TOP1: variants seen among roughly 807,000 people sequenced by gnomAD.
TOP1 encodes the protein DNA topoisomerase 1.
A neutral mutation model predicts 111.1 loss-of-function variants in TOP1; 10 were observed. The observed-to-expected ratio is 0.09, with a 90% CI of 0.06 to 0.15. The LOEUF (loss-of-function observed/expected upper bound fraction) is 0.15. TOP1 is among the 10% of genes least tolerant of loss of function. The probability of loss-of-function intolerance (pLI) is 1.00; values close to 1 mark genes in which losing one functional copy is unlikely to be tolerated. For synonymous variants in TOP1, 271 were observed against 302.9 expected (o/e 0.89, Z 1.10); for missense variants, 474 against 926.7 (o/e 0.51, Z 6.34).
intron 2 of TOP1, among the ~76,000 whole-genome samples, chr20:41,044,474 G>A (rs563200230): frequency 6.6e-6 from 1 of 152,178 alleles, no homozygotes; most frequent in Non-Finnish European, 1.5e-5. Context: ...TGCTTCGGCA[G>A]ACTAATAACT....
chr20:41,056,407 A>G (rs996599304), intron 2 of TOP1, among the ~76,000 whole-genome samples: 5 of 152,208 alleles, frequency 3.3e-5, no homozygotes, highest in African/African-American at 7.2e-5. Flanking sequence ...ACAATATAAT[A>G]GTCATTAAGA....
At chr20:41,074,963 T>C (rs1469481206) in intron 3 of TOP1, among the ~76,000 whole-genome samples, 1 of 152,222 alleles carries the variant, frequency 6.6e-6, no homozygotes, top group African/African-American at 2.4e-5. Flanking sequence ...TTGCAGTTAT[T>C]TTATTATATT....
intron 3 of TOP1, among the ~76,000 whole-genome samples, chr20:41,075,070 T>C (rs1238836341): frequency 6.6e-6 from 1 of 152,242 alleles, no homozygotes; most frequent in Non-Finnish European, 1.5e-5. Flanking sequence ...TCCCCTCTTG[T>C]TAGGTGTATC....
At chr20:41,051,009 AAATATTTTCTT>A (rs2033398935) in intron 2 of TOP1, among the ~76,000 whole-genome samples, 1 of 152,198 alleles carries the variant, frequency 6.6e-6, no homozygotes, top group South Asian at 2.1e-4. Context: ...ATGAGGTGAT[AAATATTTTCTT>A]TAAATAATTT....
At chr20:41,055,904 TCA>T (rs1193182695) in intron 2 of TOP1, among the ~76,000 whole-genome samples, 1 of 152,198 alleles carries the variant, frequency 6.6e-6, no homozygotes, top group Admixed American at 6.5e-5. Flanking sequence ...TGCCATGCCC[TCA>T]CATAATAACA....
chr20:41,055,660 T>TAG (rs2033461268), intron 2 of TOP1, among the ~76,000 whole-genome samples: 1 of 152,220 alleles, frequency 6.6e-6, no homozygotes, highest in African/African-American at 2.4e-5. Flanking sequence ...CGTAAAGACT[T>TAG]TCTCTGACTC....
In TOP1 at chr20:41,051,675, G is replaced by A. The variant is rs535554745; in HGVS notation, c.59-9719G>A. On this transcript the variant is annotated intron_variant, in intron 2 of 20. Coordinates refer to ENST00000361337, the MANE Select transcript of TOP1 (RefSeq NM_003286.4). ...GCTTCCGGGTACCAGGGTTGTTAGA[G>A]TAGGCCACAGTTTACTTCCTTTTTC... is the stretch of plus-strand genomic sequence containing the variant. 7.2e-5 allele frequency among the ~76,000 whole-genome samples: 11 copies of A among 152,160 alleles called. No homozygotes were observed. In the Middle Eastern group the frequency reaches 0.01, roughly 141 times the overall value.
intron 2 of TOP1, among the ~76,000 whole-genome samples, chr20:41,055,062 C>T (rs1044191614): frequency 1.1e-4 from 16 of 152,192 alleles, no homozygotes; most frequent in African/African-American, 3.9e-4. Context: ...AGTTAAATTA[C>T]AGTGAAAGGA....
In TOP1 at chr20:41,112,245, T is replaced by C. The variant is rs974508855; in HGVS notation, c.1309-537T>C. Among the ~76,000 whole-genome samples the C allele has an allele frequency of 2.0e-5, 3 of 152,228 alleles. No individual in the cohort carries two copies. The highest frequency in any genetic ancestry group is 7.2e-5 in the African/African-American group (3 of 41,466). ...TTTAATGGAATTCACTTAGATTTAA[T>C]GGAATTCAGTCCTGGTAGAAAACTG... is the stretch of plus-strand genomic sequence containing the variant. On this transcript the variant is annotated intron_variant, in intron 13 of 20. Coordinates refer to ENST00000361337, the MANE Select transcript of TOP1 (RefSeq NM_003286.4). The surrounding 1 kb of genome is among the most constrained non-coding windows in gnomAD (Gnocchi z 5.8).
Position 41,030,937 on chromosome 20 carries a change from C to T in TOP1, c.58+1482C>T, listed in dbSNP as rs529859294. Among the ~76,000 whole-genome samples, 5 of 152,308 alleles carry T rather than the reference C, an allele frequency of 3.3e-5. No individual in the cohort carries two copies. The South Asian group carries it at 1.0e-3, about 32-fold the overall frequency. On this transcript the variant is annotated intron_variant, in intron 2 of 20. Transcript: ENST00000361337. The surrounding 1 kb of genome is among the most constrained non-coding windows in gnomAD (Gnocchi z 4.1). ...CTTGGTGCTAGAGCTGATCCTGTAA[C>T]CATAACACTCCCTTGCTCTCAATTC...
chr20:41,111,833 T>C (rs1304246078), intron 13 of TOP1, among the ~76,000 whole-genome samples: 2 of 152,194 alleles, frequency 1.3e-5, no homozygotes, highest in East Asian at 1.9e-4. Flanking sequence ...GTCTGTTTTA[T>C]GCTGTTTTAT....
chr20:41,118,034 G>A lies in TOP1; in HGVS notation c.1823-135G>A, dbSNP rs180872351. 802 of 965,456 alleles carry A rather than the reference G, an allele frequency of 8.3e-4. 8 individuals are homozygous for A. The highest frequency in any genetic ancestry group is 5.9e-5 in the Non-Finnish European group (40 of 674,012). The allele number at this position is 965,456 out of a possible 1,614,324, so 59.8% of individuals were successfully genotyped here. A position where few individuals can be genotyped will look rare whatever the true frequency, so the allele number is the denominator to read the frequency against. The stretch of plus-strand genomic sequence containing the variant: ...CAAATTTTGACCTTAGTCCTTGGGG[G>A]CAATTTGAATTAATCATCTGAGTAA... On this transcript the variant is annotated intron_variant, in intron 17 of 20. Coordinates refer to ENST00000361337, the MANE Select transcript of TOP1 (RefSeq NM_003286.4). The surrounding 1 kb of genome is among the most constrained non-coding windows in gnomAD (Gnocchi z 4.6).
chr20:41,103,264 A>T (rs1215698690), intron 13 of TOP1, among the ~76,000 whole-genome samples: 3 of 152,178 alleles, frequency 2.0e-5, no homozygotes, highest in Admixed American at 1.3e-4. Context: ...TAGATGAGTA[A>T]ATTTAGTCTC....
intron 3 of TOP1, among the ~76,000 whole-genome samples, chr20:41,065,215 A>AT (rs1330348363): frequency 6.6e-6 from 1 of 152,024 alleles, no homozygotes; most frequent in Non-Finnish European, 1.5e-5. Context: ...TTTTGTATTC[A>AT]TTTTGCATCC....
intron 2 of TOP1, among the ~76,000 whole-genome samples, chr20:41,050,705 A>G (rs779501147): frequency 1.3e-5 from 2 of 152,144 alleles, no homozygotes; most frequent in Non-Finnish European, 2.9e-5. Context: ...AATGATGACA[A>G]GTTTTCAGGC....
Position 41,100,212 on chromosome 20 carries a change from A to C in TOP1, c.1132A>C (p.Met378Leu). 1 of 1,613,932 alleles carries C rather than the reference A, an allele frequency of 6.2e-7. No individual in the cohort carries two copies. Among genetic ancestry groups the C allele is most frequent in the East Asian group, 2.2e-5 (1 of 44,882 alleles). The change falls in exon 12 of 21, where the codon ATG (methionine) becomes CTG (leucine). Residue 378 changes from methionine to leucine, a missense_variant. Met to Leu is a conservative substitution (Grantham distance 15). Transcript: ENST00000361337. The surrounding 1 kb of genome is among the most constrained non-coding windows in gnomAD (Gnocchi z 4.4). ...PKMGMLKRRI[M>L]PEDIIINCSK... The stretch of plus-strand genomic sequence containing the variant: ...GATGGGCATGCTGAAGAGACGAATC[A>C]TGCCCGAGGATATAATCATCAACTG...
At chr20:41,037,826 G>A (rs1245002907) in intron 2 of TOP1, among the ~76,000 whole-genome samples, 4 of 152,142 alleles carry the variant, frequency 2.6e-5, no homozygotes, top group Admixed American at 6.5e-5. Flanking sequence ...GAGATCTTAC[G>A]CCATTCAGCA....
In TOP1 at chr20:41,061,475, C is replaced by G. The variant is rs1196598053; in HGVS notation, c.140C>G (p.Ser47Cys). 2 of 1,601,490 alleles carry G rather than the reference C, an allele frequency of 1.2e-6. No individual in the cohort carries two copies. Among genetic ancestry groups the G allele is most frequent in the Admixed American group, 1.7e-5 (1 of 58,036 alleles). The change falls in exon 3 of 21, where the codon TCC (serine) becomes TGC (cysteine). Residue 47 changes from serine to cysteine, a missense_variant. By Grantham distance (112) the Ser-to-Cys change is moderately radical. Around this residue, in one of 14 missense-constraint regions of TOP1, gnomAD observed 185 missense variants for 226.3 expected, o/e 0.82. Transcript: ENST00000361337. This position sits in a 1 kb window ranked among gnomAD's most constrained non-coding sequence, Gnocchi z 4.6. The part of the protein sequence containing the change: ...EHKKEKDREK[S>C]KHSNSEHKDS... ...AAGAAGGAGAAGGACCGGGAAAAGTCCAAGCATAGCAACAGGTAAGGGTGG... is the reference window on the plus strand; with the variant it reads ...AAGAAGGAGAAGGACCGGGAAAAGTGCAAGCATAGCAACAGGTAAGGGTGG...
Position 41,122,221 on chromosome 20 carries a change from C to T in TOP1, c.2195+66C>T, listed in dbSNP as rs970299170. 6.5e-7 allele frequency: 1 copy of T among 1,540,478 alleles called. No individual in the cohort carries two copies. Among genetic ancestry groups the T allele is most frequent in the African/African-American group, 1.4e-5 (1 of 73,072 alleles). On this transcript the variant is annotated intron_variant, in intron 20 of 20. Transcript: ENST00000361337. The surrounding 1 kb of genome is among the most constrained non-coding windows in gnomAD (Gnocchi z 5.4). ...AGAAAGGTGGAGGGGGTTCCGAGAG[C>T]ACTGGTGGCCTTCACATGCCATTCC...
Sources: gnomAD v4.1 joint callset for allele counts (sites outside exome capture counted in the v4.1 genomes callset) on GRCh38, gnomAD v4.1.1 for gene constraint, gnomAD v4.1.1 regional missense constraint, Gnocchi (gnomAD v3.1) non-coding constraint, MANE v1.5 for transcripts, NCBI Gene and HGNC (gene_info 2026-07-23, HGNC 2026-07-21) for gene names.